The following POTEE variants were observed in gnomAD, a reference collection of about 807,000 sequenced individuals.
POTEE encodes POTE ankyrin domain family member E.
A neutral mutation model predicts 74.2 loss-of-function variants in POTEE; 21 were observed. The observed-to-expected ratio is 0.28, with a 90% CI of 0.20 to 0.41. POTEE has a LOEUF of 0.41. Ranked by LOEUF, POTEE falls within the 10% of genes least tolerant of loss-of-function variation. The pLI is 1.00. For synonymous variants in POTEE, 211 were observed against 432.8 expected (o/e 0.49, Z 6.36); for missense variants, 525 against 1,158.6 (o/e 0.45, Z 7.94).
intron 1 of POTEE, among the ~76,000 whole-genome samples, chr2:131,210,380 T>G (rs1700332664): frequency 7.1e-6 from 1 of 141,546 alleles, no homozygotes; most frequent in Non-Finnish European, 1.5e-5. Context: ...GCACAGGGTG[T>G]GTTGGGTGTG....
chr2:131,233,541 C>T (rs1701030825), intron 9 of POTEE, among the ~76,000 whole-genome samples: 1 of 149,088 alleles, frequency 6.7e-6, no homozygotes, highest in Admixed American at 6.8e-5. Flanking sequence ...ACAAGGTTTT[C>T]ACCCGTCCTT....
intron 6 of POTEE, among the ~76,000 whole-genome samples, chr2:131,224,947 C>T (rs1700733917): frequency 6.6e-6 from 1 of 152,010 alleles, no homozygotes; most frequent in Non-Finnish European, 1.5e-5. Context: ...GTAACAAGAT[C>T]AAGTTGGATT....
chr2:131,215,226 AATAG>A (rs552484767), intron 2 of POTEE, among the ~76,000 whole-genome samples: 486 of 152,330 alleles, frequency 3.2e-3, no homozygotes, highest in African/African-American at 0.011. Context: ...AACGTTAGAT[AATAG>A]ATATGTTTTT....
intron 16 of POTEE, among the ~76,000 whole-genome samples, chr2:131,258,590 A>G (rs1454627706): frequency 6.6e-6 from 1 of 152,180 alleles, no homozygotes; most frequent in Non-Finnish European, 1.5e-5. Flanking sequence ...CTCATTAAAA[A>G]GTTGTTAACA....
At chr2:131,212,440 A>G (rs1167942694) in intron 2 of POTEE, among the ~76,000 whole-genome samples, 5 of 151,472 alleles carry the variant, frequency 3.3e-5, no homozygotes, top group Admixed American at 1.3e-4. Flanking sequence ...TATTGGTGGC[A>G]AACAGCCATT....
chr2:131,233,124 A>AG (rs1352558045), intron 9 of POTEE, among the ~76,000 whole-genome samples: 5 of 152,148 alleles, frequency 3.3e-5, no homozygotes, highest in East Asian at 1.9e-4. Context: ...TGTGTGCTGC[A>AG]GGGGCTCATT....
At chr2:131,243,401 CTTATCTGTCTGTTGTTATTGTGTGT>C (rs1408688778) in intron 12 of POTEE, among the ~76,000 whole-genome samples, 1 of 144,814 alleles carries the variant, frequency 6.9e-6, no homozygotes, top group Non-Finnish European at 1.5e-5. Context: ...TATATTTTGC[CTTATCTGTCTGTTGTTATTGTGTGT>C]TTTTCTCACT....
intron 2 of POTEE, among the ~76,000 whole-genome samples, chr2:131,217,000 T>C (rs1573694237): frequency 6.6e-6 from 1 of 152,238 alleles, no homozygotes; most frequent in African/African-American, 2.4e-5. Context: ...TCTAAAATCG[T>C]GGTGATTGTT....
chr2:131,248,174 T>C (rs1339846024), intron 13 of POTEE, among the ~76,000 whole-genome samples: 4 of 74,608 alleles, frequency 5.4e-5, no homozygotes, highest in South Asian at 3.8e-4. Flanking sequence ...GCCTTCGTTA[T>C]GCCCTTTTCA....
At position 131,213,216 on chromosome 2, in the gene POTEE, C is replaced by T. The variant is rs183816898; in HGVS notation, c.-189+2033C>T. Among the ~76,000 whole-genome samples, 81 of 152,278 alleles carry T rather than the reference C, an allele frequency of 5.3e-4. 3 individuals are homozygous for T. The East Asian group carries it at 8.1e-3, about 15-fold the overall frequency. ...CCTCAGGTGATCCACCCACCTCGGT[C>T]GGCTGTGTGTATTTTAAGGCAAAGA... On this transcript the variant is annotated intron_variant, in intron 2 of 17. Coordinates refer to ENST00000683005, the MANE Select transcript of POTEE (RefSeq NM_001083538.3).
chr2:131,223,059 C>T (rs897715784), intron 4 of POTEE, among the ~76,000 whole-genome samples: 3 of 151,486 alleles, frequency 2.0e-5, no homozygotes, highest in Non-Finnish European at 4.4e-5. Context: ...CTCAGAATCA[C>T]TAAAATACAA....
At chr2:131,251,413 T>A (rs3851954) in intron 14 of POTEE, among the ~76,000 whole-genome samples, 73 of 846 alleles carry the variant, frequency 0.086, 1 homozygote, top group African/African-American at 0.14. Context: ...ACTCTTATTT[T>A]AAAATATTCT....
intron 9 of POTEE, among the ~76,000 whole-genome samples, chr2:131,231,676 C>G (rs1329708004): frequency 6.6e-6 from 1 of 151,886 alleles, no homozygotes; most frequent in Non-Finnish European, 1.5e-5. Flanking sequence ...GTCATCATAA[C>G]AGTAATTTTG....
intron 9 of POTEE, among the ~76,000 whole-genome samples, chr2:131,231,812 G>C (rs1308717795): frequency 2.0e-5 from 3 of 152,176 alleles, no homozygotes; most frequent in African/African-American, 7.2e-5. Context: ...AAAAACGCTA[G>C]TATGCTACCT....
intron 2 of POTEE, among the ~76,000 whole-genome samples, chr2:131,211,550 T>TGTGTGTGTGTGTGTGTGTGGC (rs1700359144): frequency 4.7e-5 from 1 of 21,434 alleles, no homozygotes; most frequent in Non-Finnish European, 1.3e-4. Context: ...GGCTTTTTTT[T>TGTGTGTGTGTGTGTGTGTGGC]TTTTTTTTTT....
intron 16 of POTEE, among the ~76,000 whole-genome samples, chr2:131,256,892 C>T (rs1341175838): frequency 6.6e-6 from 1 of 152,310 alleles, no homozygotes. Flanking sequence ...CAATTGGGAA[C>T]ATACCAGGGA....
intron 2 of POTEE, among the ~76,000 whole-genome samples, chr2:131,215,408 CTG>C (rs1399009409): frequency 6.6e-6 from 1 of 152,016 alleles, no homozygotes; most frequent in Non-Finnish European, 1.5e-5. Flanking sequence ...TCTGGATTAA[CTG>C]TGTGACTCAT....
intron 2 of POTEE, among the ~76,000 whole-genome samples, chr2:131,211,894 T>C (rs1023905793): frequency 6.6e-6 from 1 of 150,466 alleles, no homozygotes; most frequent in African/African-American, 2.4e-5. Flanking sequence ...TCTTGGACTT[T>C]TTCAAATTTT....
chr2:131,229,258 C>G (rs12471279), intron 8 of POTEE, among the ~76,000 whole-genome samples: 49 of 139,554 alleles, frequency 3.5e-4, no homozygotes, highest in African/African-American at 1.2e-3. Flanking sequence ...GAGAGGGGTT[C>G]AAATAATGTG....
Sources: gnomAD v4.1 joint callset for allele counts (sites outside exome capture counted in the v4.1 genomes callset) on GRCh38, gnomAD v4.1.1 for gene constraint, MANE v1.5 for transcripts, NCBI Gene and HGNC (gene_info 2026-07-23, HGNC 2026-07-21) for gene names.